Variants in PDZD7 observed in about 807,000 individuals in gnomAD.
PDZD7 encodes PDZ domain containing 7.
Under a neutral mutation model 84.7 loss-of-function variants are expected in PDZD7, and 72 were observed. The ratio of observed to expected loss-of-function variants is 0.85; its 90% confidence interval spans 0.70 to 1.03. The LOEUF (loss-of-function observed/expected upper bound fraction) is 1.03. PDZD7 is among the 50% of genes least tolerant of loss of function. PDZD7 has a pLI of 0.00. For missense variants in PDZD7, 1,490 were observed against 1,412.9 expected (o/e 1.05, Z -0.87); for synonymous variants, 594 against 580.7 (o/e 1.02, Z -0.33).
intron 11 of PDZD7, among the ~76,000 whole-genome samples, chr10:101,015,180 G>A (rs567560800): frequency 2.0e-4 from 30 of 152,340 alleles, no homozygotes; most frequent in African/African-American, 6.3e-4. Context: ...AGGCTTACTG[G>A]CTGACCTAGG....
intron 11 of PDZD7, 67 bp downstream of exon 11, chr10:101,015,569 T>C: frequency 6.7e-7 from 1 of 1,503,538 alleles, no homozygotes; most frequent in Non-Finnish European, 8.9e-7. Flanking sequence ...GACAGTGGCC[T>C]GAATGAATGA....
chr10:101,027,309 C>A (rs1937777763), intron 2 of PDZD7, among the ~76,000 whole-genome samples: 1 of 128,182 alleles, frequency 7.8e-6, no homozygotes, highest in African/African-American at 2.9e-5. Flanking sequence ...TCTTCCTGTT[C>A]CTCATGGAGG....
At position 101,020,621 on chromosome 10, in the gene PDZD7, G is replaced by C. The variant is rs771163176; in HGVS notation, c.925C>G (p.Arg309Gly). 1.5e-5 allele frequency: 25 copies of C among 1,613,478 alleles called. No individual in the cohort carries two copies. The highest frequency in any genetic ancestry group is 2.0e-5 in the Non-Finnish European group (24 of 1,179,634). Residue 309 changes from arginine to glycine, a missense_variant, in exon 7 of 17, where the codon CGA becomes GGA. Arg to Gly is a moderately radical substitution (Grantham distance 125). Coordinates refer to ENST00000619208, the MANE Select transcript of PDZD7 (RefSeq NM_001195263.2). ...TTGGGAGATCTGAGCCACTTACGTC[G>C]GTCCAGCCAGCAGTACTCAGAAACC... ...EMVSEYCWLDRLSNGVLQQLS... is the reference protein window; with the variant it reads ...EMVSEYCWLDGLSNGVLQQLS...
intron 7 of PDZD7, 89 bp from the exon 8 acceptor site, chr10:101,019,306 A>T (rs2134062838): frequency 6.8e-7 from 1 of 1,473,660 alleles, no homozygotes; most frequent in East Asian, 2.5e-5. Flanking sequence ...GGGGTGGAGG[A>T]GGCAAGGTCA....
At position 101,009,348 on chromosome 10, in the gene PDZD7, TACCTAGTG is replaced by T. The variant is rs2133994584; in HGVS notation, c.2618-6_2619del. ...GACTCAATGCCCCCAGAAATGCTGA[TACCTAGTG>T]ACAGGGAGAAACACCGTGTGAGAGT... On this transcript the variant is annotated splice_acceptor_variant and splice_polypyrimidine_tract_variant and coding_sequence_variant and intron_variant, in exon 16 of 17. Coordinates refer to ENST00000619208, the MANE Select transcript of PDZD7 (RefSeq NM_001195263.2). LOFTEE classifies it high-confidence loss of function. The T allele has an allele frequency of 1.3e-6, 2 of 1,535,500 alleles. No individual in the cohort carries two copies. The highest frequency in any genetic ancestry group is 3.9e-5 in the Admixed American group (2 of 50,994).
chr10:101,023,597 C>T lies in PDZD7; in HGVS notation c.381G>A (p.Leu127=). ...CCTCCGTGATCTTGTCCCCCACGCA[C>T]AGGCCAGCCCGCTCTGCACCACAGG... ...EEGSSAERAG[L]CVGDKITEVN... is the part of the protein sequence containing the mutation. The change falls in exon 4 of 17, where the codon CTG becomes CTA. Residue 127 remains leucine, a synonymous_variant. Transcript: ENST00000619208. 4 of 1,612,456 alleles carry T rather than the reference C, an allele frequency of 2.5e-6. No homozygotes were observed. The highest frequency in any genetic ancestry group is 3.4e-6 in the Non-Finnish European group (4 of 1,180,012).
chr10:101,018,790 G>C, intron 8 of PDZD7, 32 bp downstream of exon 8: 1 of 1,554,440 alleles, frequency 6.4e-7, no homozygotes, highest in Non-Finnish European at 8.7e-7. Context: ...AGAGGCTGTG[G>C]AGGGAGCAGC....
At chr10:101,017,908 G>GA (rs1852786190) in intron 9 of PDZD7, 191 bp downstream of exon 9, 3 of 417,660 alleles carry the variant, frequency 7.2e-6, no homozygotes, top group Admixed American at 4.6e-5. Context: ...AAGAAAGAAA[G>GA]AAAGAAAAGA....
rs551067965 is a variant in PDZD7, at chr10:101,010,709, G to A, written c.2180C>T (p.Pro727Leu). Reference protein sequence around the residue: ...LQDVPVDAFTPLRIACTPPPQ... With the variant: ...LQDVPVDAFTLLRIACTPPPQ... ...AGGGGGTGTGCAGGCAATTCGGAGG[G>A]GGGTGAAGGCATCTACTGGCACGTC... The change falls in exon 15 of 17, where the codon CCC (proline) becomes CTC (leucine). Residue 727 changes from proline (P) to leucine (L), a missense_variant. By Grantham distance (98) the Pro-to-Leu change is moderately conservative. Coordinates refer to ENST00000619208, the MANE Select transcript of PDZD7 (RefSeq NM_001195263.2). 1.5e-6 allele frequency: 2 copies of A among 1,356,572 alleles called. No individual in the cohort carries two copies. Among genetic ancestry groups the A allele is most frequent in the Non-Finnish European group, 1.9e-6 (2 of 1,032,296 alleles). 84.0% of individuals were successfully genotyped at this position (1,356,572 alleles called of 1,614,324 possible).
At chr10:101,015,847 G>T (rs959414030) in intron 10 of PDZD7, 36 bp from the exon 11 acceptor site, 1 of 1,527,774 alleles carries the variant, frequency 6.5e-7, no homozygotes, top group Admixed American at 2.0e-5. Flanking sequence ...GGGGAGAGGG[G>T]CTTCCCTCAG....
At chr10:101,014,014 TA>T (rs1304844722) in intron 11 of PDZD7, among the ~76,000 whole-genome samples, 31 of 60,378 alleles carry the variant, frequency 5.1e-4, no homozygotes, top group African/African-American at 2.2e-3. Flanking sequence ...CATGCCCAGC[TA>T]TTTTTTTTTT....
In PDZD7 at chr10:101,018,952, G is replaced by A; in HGVS notation, c.1194C>T (p.Arg398=). ...PTVILRDTAI[R]SDGPHPGRRL... ...GGCGGCCGGGATGGGGGCCGTCCGA[G>A]CGGATGGCGGTGTCCCTGAGGATGA... Residue 398 remains arginine, a synonymous_variant, in exon 8 of 17, where the codon CGC becomes CGT. Coordinates refer to ENST00000619208, the MANE Select transcript of PDZD7 (RefSeq NM_001195263.2). 1 of 1,598,406 alleles carries A rather than the reference G, an allele frequency of 6.3e-7. No individual in the cohort carries two copies. Among genetic ancestry groups the A allele is most frequent in the South Asian group, 1.1e-5 (1 of 88,524 alleles).
Position 101,011,934 on chromosome 10 carries a change from T to C in PDZD7, c.1924A>G (p.Ser642Gly). The C allele has an allele frequency of 6.5e-7, 1 of 1,550,206 alleles. No individual in the cohort carries two copies. The highest frequency in any genetic ancestry group is 1.2e-5 in the South Asian group (1 of 84,038). ...VELEAFEALK[S>G]RAVRPPALRP... ...GCCCCCCACTGCTGACCTGCCCTGC[T>C]CTTGAGGGCCTCAAAAGCCTCCAGC... The change falls in exon 13 of 17, where the codon AGC becomes GGC. Residue 642 changes from serine to glycine, a missense_variant. Coordinates refer to ENST00000619208, the MANE Select transcript of PDZD7 (RefSeq NM_001195263.2).
chr10:101,027,672 A>G (rs991273770), intron 2 of PDZD7, among the ~76,000 whole-genome samples: 1 of 152,170 alleles, frequency 6.6e-6, no homozygotes, highest in African/African-American at 2.4e-5. Flanking sequence ...CTATCATGTC[A>G]TCAGATGATC....
chr10:101,015,760 C>T lies in PDZD7; in HGVS notation c.1625G>A (p.Ser542Asn), dbSNP rs553462764. The change falls in exon 11 of 17, where the codon AGC (serine) becomes AAC (asparagine). Residue 542 changes from serine (S) to asparagine (N), a missense_variant. Physicochemically the swap from Ser to Asn is conservative, Grantham distance 46. Transcript: ENST00000619208. Reference sequence around the variant, plus strand: ...CTGCTCATCCACATTAGGCAGCTGGCTGGAGGGACTCCCAGACCTGGCAGA... The same window carrying T: ...CTGCTCATCCACATTAGGCAGCTGGTTGGAGGGACTCCCAGACCTGGCAGA... ...LLSARSGSPS[S>N]QLPNVDEQVQ... 6.5e-6 allele frequency: 10 copies of T among 1,549,946 alleles called. No individual in the cohort carries two copies. The highest frequency in any genetic ancestry group is 4.1e-5 in the African/African-American group (3 of 73,140).
intron 2 of PDZD7, 41 bp downstream of exon 2, chr10:101,029,953 A>AACCCCACC: frequency 1.4e-6 from 1 of 719,818 alleles, no homozygotes; most frequent in Non-Finnish European, 2.4e-6. Context: ...CCCTACCCCC[A>AACCCCACC]CCCTCCCCAA....
rs935892074 is a variant in PDZD7 at position 101,023,450 on chromosome 10, C to T, written c.528G>A (p.Lys176=). The T allele has an allele frequency of 6.2e-7, 1 of 1,614,068 alleles. No homozygotes were observed. Among genetic ancestry groups the T allele is most frequent in the Non-Finnish European group, 8.5e-7 (1 of 1,180,018 alleles). Residue 176 remains lysine, a synonymous_variant, in exon 4 of 17, where the codon AAG becomes AAA. Coordinates refer to ENST00000619208, the MANE Select transcript of PDZD7 (RefSeq NM_001195263.2). ...TTGCTGCTCACCACGTGGTCTTCTC[C>T]TTGGAGAACTTGATGCCCGGCACAC... ...MGRVPGIKFS[K]EKTTWVDVVN... is the part of the protein sequence containing the mutation.
intron 14 of PDZD7, 166 bp from the exon 15 acceptor site, chr10:101,011,049 G>GTTTA: frequency 7.7e-6 from 7 of 908,816 alleles, no homozygotes; most frequent in Non-Finnish European, 1.0e-5. Flanking sequence ...TATTAGAATC[G>GTTTA]CTTATTTATT....
chr10:101,014,398 C>G (rs1221092692), intron 11 of PDZD7, among the ~76,000 whole-genome samples: 1 of 151,896 alleles, frequency 6.6e-6, no homozygotes, highest in Non-Finnish European at 1.5e-5. Flanking sequence ...GAGGTTTGGG[C>G]AGAGGAGAAG....
Sources: allele counts gnomAD v4.1 joint callset (sites outside exome capture counted in the v4.1 genomes callset), GRCh38; gene constraint gnomAD v4.1.1; transcripts MANE v1.5; gene names NCBI Gene and HGNC (gene_info 2026-07-23, HGNC 2026-07-21).